LGALS2: variants seen among roughly 807,000 people sequenced by gnomAD.
The protein encoded by LGALS2 is galectin 2.
In LGALS2, 7 loss-of-function variants were observed where a neutral mutation model predicts 10.1. That is an observed-to-expected ratio of 0.70 (90% CI 0.40 to 1.31). LGALS2 has a LOEUF of 1.31. LGALS2 is among the 50% of genes most tolerant of loss of function. LGALS2 has a pLI of 0.01. For missense variants in LGALS2, 167 were observed against 163.6 expected, an observed-to-expected ratio of 1.02 and a Z score of -0.11; for synonymous variants, 86 against 64.2, an observed-to-expected ratio of 1.34 and a Z score of -1.63.
intron 1 of LGALS2, among the ~76,000 whole-genome samples, chr22:37,572,538 C>T (rs897717179): frequency 3.9e-5 from 6 of 151,910 alleles, no homozygotes; most frequent in Non-Finnish European, 7.4e-5. Context: ...GAGGCCGAGG[C>T]GGGCGGATCA....
intron 3 of LGALS2, 43 bp downstream of exon 3, chr22:37,570,533 C>A: frequency 6.2e-7 from 1 of 1,612,810 alleles, no homozygotes; most frequent in Non-Finnish European, 8.5e-7. Flanking sequence ...TCTGGGCCCT[C>A]CCCTTGACAT....
intron 1 of LGALS2, among the ~76,000 whole-genome samples, chr22:37,579,204 G>A (rs1228476284): frequency 5.4e-5 from 7 of 130,156 alleles, no homozygotes; most frequent in Admixed American, 5.3e-4. Flanking sequence ...GCTGAGATCG[G>A]GCCACTGCAC....
At chr22:37,579,818 A>G in intron 1 of LGALS2, 82 bp downstream of exon 1, 1 of 1,449,330 alleles carries the variant, frequency 6.9e-7, no homozygotes, top group Non-Finnish European at 9.5e-7. Context: ...AGGGACAGCA[A>G]TGGTTTTCCC....
intron 1 of LGALS2, among the ~76,000 whole-genome samples, chr22:37,572,793 TAATAATA>T (rs1925541388): frequency 1.4e-5 from 2 of 138,560 alleles, no homozygotes; most frequent in African/African-American, 5.8e-5. Context: ...ATAATAATAA[TAATAATA>T]AATAAAATAA....
intron 1 of LGALS2, 42 bp downstream of exon 1, chr22:37,579,858 A>G: frequency 6.3e-7 from 1 of 1,599,144 alleles, no homozygotes; most frequent in Non-Finnish European, 8.5e-7. Flanking sequence ...AAAGACAAAG[A>G]TGAACAGAGT....
chr22:37,570,286 A>G lies in LGALS2; in HGVS notation c.376T>C (p.Ser126Pro). ...YLSVRGGFNM[S>P]SFKLKE The stretch of plus-strand genomic sequence containing the variant: ...TTTTATTCTTTTAACTTGAAAGAGG[A>G]CATGTTGAACCCGCCCCTTACGCTC... The change falls in exon 4 of 4, where the codon TCC (serine) becomes CCC (proline). Residue 126 changes from serine (S) to proline (P), a missense_variant. By Grantham distance (74) the Ser-to-Pro change is moderately conservative (BLOSUM62 -1). Transcript: ENST00000215886. 1 of 1,608,736 alleles carries G rather than the reference A, an allele frequency of 6.2e-7. No homozygotes were observed. Among genetic ancestry groups the G allele is most frequent in the Non-Finnish European group, 8.5e-7 (1 of 1,175,816 alleles).
intron 1 of LGALS2, among the ~76,000 whole-genome samples, chr22:37,572,524 T>C (rs1925530764): frequency 6.6e-6 from 1 of 151,902 alleles, no homozygotes; most frequent in African/African-American, 2.4e-5. Flanking sequence ...CCCAACACTT[T>C]TGGGAGGCCG....
intron 1 of LGALS2, among the ~76,000 whole-genome samples, chr22:37,572,210 A>G (rs1177405651): frequency 6.6e-6 from 1 of 152,280 alleles, no homozygotes; most frequent in Non-Finnish European, 1.5e-5. Flanking sequence ...TGAAATGGGC[A>G]GAGTGCTTCC....
chr22:37,572,174 G>A (rs976070108), intron 1 of LGALS2, among the ~76,000 whole-genome samples: 2 of 152,242 alleles, frequency 1.3e-5, no homozygotes, highest in Non-Finnish European at 2.9e-5. Context: ...AAGAGGCACA[G>A]GACGGAGGCT....
chr22:37,575,066 A>G (rs540786927), intron 1 of LGALS2, among the ~76,000 whole-genome samples: 1 of 151,958 alleles, frequency 6.6e-6, no homozygotes, highest in East Asian at 1.9e-4. Flanking sequence ...TTGTATTTTT[A>G]GTAGAGACGG....
In LGALS2 at chr22:37,570,571, C is replaced by T; in HGVS notation, c.249+5G>A. 2 of 1,614,248 alleles carry T rather than the reference C, an allele frequency of 1.2e-6. No homozygotes were observed. Among genetic ancestry groups the T allele is most frequent in the Non-Finnish European group, 8.5e-7 (1 of 1,180,036 alleles). On this transcript the variant is annotated splice_donor_5th_base_variant and intron_variant, in intron 3 of 3. Transcript: ENST00000215886. ...CCCCAGTGCCCTTTCCCCCTTTGAC[C>T]TCACCTTGACCTCTGACCCTGGGCT...
rs545946965 is a variant in LGALS2 at position 37,572,398 on chromosome 22, G to A, written c.7-467C>T. ...TGTAATCCCAGCATTTTGGGAGGCC[G>A]AGGCGGGCTGATCACCTGAGGTCAG... On this transcript the variant is annotated intron_variant, in intron 1 of 3. Coordinates refer to ENST00000215886, the MANE Select transcript of LGALS2 (RefSeq NM_006498.3). Among the ~76,000 whole-genome samples, 22 of 152,300 alleles carry A rather than the reference G, an allele frequency of 1.4e-4. No homozygotes were observed. The East Asian group carries it at 3.1e-3, about 21-fold the overall frequency.
At position 37,580,051 on chromosome 22, in the gene LGALS2, C is replaced by T; in HGVS notation, c.-146G>A. On this transcript the variant is annotated 5_prime_UTR_variant, in exon 1 of 4. Coordinates refer to ENST00000215886, the MANE Select transcript of LGALS2 (RefSeq NM_006498.3). ...GGACTTTGCCCCTTCTACCTTGTGT[C>T]TCCCCGCCTGCATCTCCCAGTACCC... 4.5e-6 allele frequency: 3 copies of T among 670,264 alleles called. No homozygotes were observed. Among genetic ancestry groups the T allele is most frequent in the East Asian group, 2.8e-5 (1 of 35,708 alleles). The allele number at this position is 670,264 out of a possible 1,614,324, so 41.5% of individuals were successfully genotyped here. A position where few individuals can be genotyped will look rare whatever the true frequency, so the allele number is the denominator to read the frequency against.
chr22:37,576,588 A>G (rs1925689984), intron 1 of LGALS2, among the ~76,000 whole-genome samples: 1 of 152,122 alleles, frequency 6.6e-6, no homozygotes, highest in East Asian at 1.9e-4. Flanking sequence ...CGCCACACAG[A>G]CACTCACAGA....
At chr22:37,572,592 C>T (rs111385821) in intron 1 of LGALS2, among the ~76,000 whole-genome samples, 13,627 of 151,716 alleles carry the variant, frequency 0.09, 1,534 homozygotes, top group African/African-American at 0.27. Context: ...ATGGTGAAAC[C>T]CCATCTCTAC....
chr22:37,571,864 G>A lies in LGALS2; in HGVS notation c.74C>T (p.Ala25Val), dbSNP rs1311326799. Residue 25 changes from alanine to valine, a missense_variant, in exon 2 of 4, where the codon GCC becomes GTC. Physicochemically the swap from Ala to Val is moderately conservative, Grantham distance 64. Transcript: ENST00000215886. ...GSTLKITGSIADGTDGFVINL... is the reference protein window; with the variant it reads ...GSTLKITGSIVDGTDGFVINL... ...CCTTGCTCACCCATCAGTGCCATCG[G>A]CGATGCTGCCTGTGATCTTCAGGGT... 1.2e-6 allele frequency: 2 copies of A among 1,613,964 alleles called. No individual in the cohort carries two copies. Among genetic ancestry groups the A allele is most frequent in the East Asian group, 4.5e-5 (2 of 44,890 alleles).
In LGALS2 at chr22:37,570,705, G is replaced by C. The variant is rs1925470441; in HGVS notation, c.120C>G (p.Asp40Glu). 6.2e-7 allele frequency: 1 copy of C among 1,614,256 alleles called. No individual in the cohort carries two copies. Among genetic ancestry groups the C allele is most frequent in the Non-Finnish European group, 8.5e-7 (1 of 1,180,048 alleles). The change falls in exon 3 of 4, where the codon GAC becomes GAG. Residue 40 changes from aspartate (D) to glutamate (E), a missense_variant. By Grantham distance (45) the Asp-to-Glu change is conservative (BLOSUM62 2). Transcript: ENST00000215886. ...GFVINLGQGT[D>E]KLNLHFNPRF... ...GAGGGTTGAAATGCAGGTTCAGCTT[G>C]TCTGTCCCCTGGCCCAGATTAATTA...
At chr22:37,574,254 G>A (rs1221500410) in intron 1 of LGALS2, among the ~76,000 whole-genome samples, 1 of 151,806 alleles carries the variant, frequency 6.6e-6, no homozygotes, top group African/African-American at 2.4e-5. Flanking sequence ...GGTGGCTCAC[G>A]CCTGTAATCC....
chr22:37,578,948 GTGGTGGCC>G (rs1298911475), intron 1 of LGALS2: 1 of 152,248 alleles, frequency 6.6e-6, no homozygotes, highest in Non-Finnish European at 1.5e-5. Context: ...TTAATCGGGT[GTGGTGGCC>G]CATGCCTGTA....
Sources: gnomAD v4.1 joint callset for allele counts (sites outside exome capture counted in the v4.1 genomes callset) on GRCh38, gnomAD v4.1.1 for gene constraint, MANE v1.5 for transcripts, NCBI Gene and HGNC (gene_info 2026-07-23, HGNC 2026-07-21) for gene names.